MAPK10: variants seen among roughly 807,000 people sequenced by gnomAD.
MAPK10 encodes the protein mitogen-activated protein kinase 10.
A neutral mutation model predicts 59.3 loss-of-function variants in MAPK10; 25 were observed. That is an observed-to-expected ratio of 0.42 (90% CI 0.31 to 0.59). The LOEUF (loss-of-function observed/expected upper bound fraction) is 0.59. Ranked by LOEUF, MAPK10 falls within the 20% of genes least tolerant of loss-of-function variation. MAPK10 has a pLI of 0.15. For synonymous variants in MAPK10, 190 were observed against 200.5 expected (o/e 0.95, Z 0.44); for missense variants, 351 against 568.9 (o/e 0.62, Z 3.90).
chr4:86,526,561 G>A (rs1366651022), intron 1 of MAPK10, among the ~76,000 whole-genome samples: 2 of 152,012 alleles, frequency 1.3e-5, no homozygotes, highest in African/African-American at 4.8e-5. Flanking sequence ...TAGATTTTAG[G>A]TTCCCAATTT....
intron 4 of MAPK10, among the ~76,000 whole-genome samples, chr4:86,135,543 C>G (rs911734190): frequency 1.3e-5 from 2 of 152,132 alleles, no homozygotes; most frequent in Non-Finnish European, 2.9e-5. Context: ...CTGTACATCA[C>G]CATCATCAAA....
At chr4:86,162,911 A>T (rs2149238615) in intron 3 of MAPK10, among the ~76,000 whole-genome samples, 1 of 152,272 alleles carries the variant, frequency 6.6e-6, no homozygotes, top group African/African-American at 2.4e-5. Context: ...GCTTGATAAA[A>T]TACAAGTCAT....
chr4:86,471,111 A>C (rs1392826129), intron 1 of MAPK10, among the ~76,000 whole-genome samples: 2 of 151,858 alleles, frequency 1.3e-5, no homozygotes, highest in East Asian at 3.9e-4. Flanking sequence ...TCTACTAAAA[A>C]CACAAAAATT....
chr4:86,111,560 C>T (rs926007893), intron 4 of MAPK10, among the ~76,000 whole-genome samples: 1 of 152,198 alleles, frequency 6.6e-6, no homozygotes, highest in African/African-American at 2.4e-5. Flanking sequence ...ACCAGCCTTG[C>T]ATCCTGGGGA....
At chr4:86,569,928 T>G (rs973680788) in intron 1 of MAPK10, among the ~76,000 whole-genome samples, 1 of 152,110 alleles carries the variant, frequency 6.6e-6, no homozygotes, top group African/African-American at 2.4e-5. Context: ...GTAACACAAC[T>G]GTACTTGTAC....
intron 1 of MAPK10, among the ~76,000 whole-genome samples, chr4:86,387,402 C>T (rs776672977): frequency 5.3e-5 from 8 of 152,208 alleles, no homozygotes; most frequent in Admixed American, 1.3e-4. Context: ...CAAGTTTTTA[C>T]ATTAAACAGG....
In MAPK10 at chr4:86,107,280, T is replaced by G; in HGVS notation, c.309A>C (p.Thr103=). Reference sequence around the variant, plus strand: ...GCTCCCGGTACGCTCTCTTGGCATGTGTTTGGTTCTGAAAGGGTCTGCTGA... The same window carrying G: ...GCTCCCGGTACGCTCTCTTGGCATGGGTTTGGTTCTGAAAGGGTCTGCTGA... The part of the protein sequence containing the change: ...KKLSRPFQNQ[T]HAKRAYRELV... The change falls in exon 5 of 14, where the codon ACA becomes ACC. Residue 103 remains threonine, a synonymous_variant. Coordinates refer to ENST00000641462, the MANE Select transcript of MAPK10 (RefSeq NM_138982.4). 6.2e-7 allele frequency: 1 copy of G among 1,613,426 alleles called. No homozygotes were observed. The highest frequency in any genetic ancestry group is 2.2e-5 in the East Asian group (1 of 44,852).
intron 1 of MAPK10, among the ~76,000 whole-genome samples, chr4:86,474,444 G>T (rs1434192921): frequency 6.6e-6 from 1 of 152,074 alleles, no homozygotes; most frequent in Admixed American, 6.5e-5. Context: ...ATTTAAATTG[G>T]AGTTACTATT....
At chr4:86,035,370 C>CTAA in intron 11 of MAPK10, among the ~76,000 whole-genome samples, 1 of 37,864 alleles carries the variant, frequency 2.6e-5, no homozygotes, top group Non-Finnish European at 4.4e-5. Flanking sequence ...GACTCTGTCT[C>CTAA]AAAAAAAAAA....
chr4:86,346,731 TGGAA>T (rs1429318945), intron 2 of MAPK10, among the ~76,000 whole-genome samples: 2 of 67,760 alleles, frequency 3.0e-5, no homozygotes, highest in Admixed American at 3.2e-4. Context: ...CAAGTTTGTT[TGGAA>T]AAAAAAAAAA....
At chr4:86,560,349 A>G (rs1007172466) in intron 1 of MAPK10, among the ~76,000 whole-genome samples, 3 of 152,246 alleles carry the variant, frequency 2.0e-5, no homozygotes, top group Non-Finnish European at 4.4e-5. Flanking sequence ...TGGATGTTAC[A>G]AAATAATCTC....
intron 13 of MAPK10, among the ~76,000 whole-genome samples, chr4:86,023,518 G>A (rs1578682264): frequency 1.3e-5 from 2 of 151,954 alleles, no homozygotes; most frequent in Non-Finnish European, 2.9e-5. Context: ...ACATCAATTC[G>A]GGGAGTATCT....
chr4:86,329,496 G>A (rs988099476), intron 2 of MAPK10, among the ~76,000 whole-genome samples: 2 of 152,108 alleles, frequency 1.3e-5, no homozygotes, highest in African/African-American at 4.8e-5. Context: ...TGTATTGTAA[G>A]AAGTAAGATA....
chr4:86,016,878 G>A lies in MAPK10; in HGVS notation c.*350C>T. ...ATGGGGCCACTGCACACCTTGTCAT[G>A]CCATTTAAAAGGGCAGTTACAGGTT... On this transcript the variant is annotated 3_prime_UTR_variant, in exon 14 of 14. Coordinates refer to ENST00000641462, the MANE Select transcript of MAPK10 (RefSeq NM_138982.4). 1 of 232,058 alleles carries A rather than the reference G, an allele frequency of 4.3e-6. No individual in the cohort carries two copies. 14.4% of individuals were successfully genotyped at this position (232,058 alleles called of 1,614,324 possible). A position where few individuals can be genotyped will look rare whatever the true frequency, so the allele number is the denominator to read the frequency against.
intron 2 of MAPK10, among the ~76,000 whole-genome samples, chr4:86,293,826 C>CTAT (rs2095290170): frequency 6.6e-6 from 1 of 152,120 alleles, no homozygotes; most frequent in Non-Finnish European, 1.5e-5. Flanking sequence ...GAGGACAGCA[C>CTAT]CAAGAGGATG....
intron 8 of MAPK10, chr4:86,099,635 A>G (rs1403106923): frequency 6.6e-6 from 1 of 152,204 alleles, no homozygotes; most frequent in African/African-American, 2.4e-5. Flanking sequence ...CAAAAACCTA[A>G]GGCAGCAACT....
At position 86,495,635 on chromosome 4, in the gene MAPK10, CCAAA is replaced by C. The variant is rs539796381; in HGVS notation, c.-263+98271_-263+98274del. Among the ~76,000 whole-genome samples, 28 of 152,246 alleles carry C rather than the reference CCAAA, an allele frequency of 1.8e-4. No individual in the cohort carries two copies. In the South Asian group the frequency reaches 5.6e-3, roughly 30 times the overall value. ...TCCATGGTGCTTATTTAATCAGCATCCAAACAAAGATGAGATATGGTAAATTATT... is the reference window on the plus strand; with the variant it reads ...TCCATGGTGCTTATTTAATCAGCATCCAAAGATGAGATATGGTAAATTATT... On this transcript the variant is annotated intron_variant, in intron 1 of 4. Coordinates refer to the MAPK10 transcript ENST00000502302.
In MAPK10 at chr4:86,360,003, C is replaced by G. The variant is rs1026407780; in HGVS notation, c.-467G>C. On this transcript the variant is annotated 5_prime_UTR_variant, in exon 1 of 14. Transcript: ENST00000641462. ...GAAGAGTGGCTTGCTGAATCACCCT[C>G]TTTCACTGCCTGGAAACCATTGTGC... 8 of 985,908 alleles carry G rather than the reference C, an allele frequency of 8.1e-6. No individual in the cohort carries two copies. The highest frequency in any genetic ancestry group is 9.6e-6 in the Non-Finnish European group (8 of 829,982). The allele number at this position is 985,908 out of a possible 1,614,324, so 61.1% of individuals were successfully genotyped here. A position where few individuals can be genotyped will look rare whatever the true frequency, so the allele number is the denominator to read the frequency against.
chr4:86,028,710 C>G, intron 13 of MAPK10: 1 of 188,544 alleles, frequency 5.3e-6, no homozygotes, highest in South Asian at 1.1e-4. Flanking sequence ...GTATTAGATT[C>G]TGTGGCTAGC....
Sources: allele counts gnomAD v4.1 joint callset (sites outside exome capture counted in the v4.1 genomes callset), GRCh38; gene constraint gnomAD v4.1.1; transcripts MANE v1.5; gene names NCBI Gene and HGNC (gene_info 2026-07-23, HGNC 2026-07-21).